CSMD1: variants seen among roughly 807,000 people sequenced by gnomAD.
CSMD1 encodes CUB and Sushi multiple domains 1, also known as CUB and sushi domain-containing protein 1.
A neutral mutation model predicts 417.5 loss-of-function variants in CSMD1; 213 were observed. The observed-to-expected ratio is 0.51, with a 90% confidence interval of 0.46 to 0.57. The LOEUF is 0.57. Among genes scored for constraint, CSMD1 ranks in the 20% least tolerant of loss-of-function variants. The pLI is 0.00. For synonymous variants in CSMD1, 2,862 were observed against 1,736.8 expected, an observed-to-expected ratio of 1.65 and a Z score of -16.11; for missense variants, 6,923 against 4,529.7, an observed-to-expected ratio of 1.53 and a Z score of -15.17.
chr8:3,255,775 C>T (rs955227223), intron 26 of CSMD1, among the ~76,000 whole-genome samples: 3 of 152,180 alleles, frequency 2.0e-5, no homozygotes, highest in Non-Finnish European at 4.4e-5. Context: ...TCAACACTTT[C>T]TTTGACTAGA....
chr8:3,777,427 C>G (rs1044603609), intron 5 of CSMD1, among the ~76,000 whole-genome samples: 9 of 152,138 alleles, frequency 5.9e-5, no homozygotes, highest in Admixed American at 3.3e-4. Flanking sequence ...GGCATCCTGT[C>G]AGGCCTCAGG....
intron 2 of CSMD1, among the ~76,000 whole-genome samples, chr8:4,427,524 AAC>A (rs1294666689): frequency 6.6e-6 from 1 of 151,684 alleles, no homozygotes; most frequent in African/African-American, 2.4e-5. Context: ...TGCACACTCA[AAC>A]ACACACAGTG....
intron 1 of CSMD1, among the ~76,000 whole-genome samples, chr8:4,980,010 C>T (rs891916077): frequency 3.3e-5 from 5 of 152,092 alleles, no homozygotes; most frequent in Admixed American, 2.6e-4. Context: ...GCACTCCAGC[C>T]TGGGCGACAG....
At chr8:3,428,157 C>T (rs1326076372) in intron 12 of CSMD1, among the ~76,000 whole-genome samples, 2 of 152,056 alleles carry the variant, frequency 1.3e-5, no homozygotes, top group Non-Finnish European at 2.9e-5. Flanking sequence ...TTTAGAAGTT[C>T]TAATTTCAAC....
chr8:3,978,109 G>A (rs963023535), intron 5 of CSMD1, among the ~76,000 whole-genome samples: 5 of 152,176 alleles, frequency 3.3e-5, no homozygotes, highest in African/African-American at 9.7e-5. Flanking sequence ...GTCTCATGGG[G>A]ATAACAAAAC....
intron 3 of CSMD1, among the ~76,000 whole-genome samples, chr8:4,290,509 C>G (rs190683578): frequency 6.6e-6 from 1 of 152,118 alleles, no homozygotes; most frequent in African/African-American, 2.4e-5. Context: ...AAAAAAAGGA[C>G]AGATGATGTT....
intron 7 of CSMD1, among the ~76,000 whole-genome samples, chr8:3,629,482 C>G (rs537629420): frequency 7.0e-4 from 107 of 152,246 alleles, no homozygotes; most frequent in Middle Eastern, 3.4e-3. Context: ...ATGGAATACA[C>G]AATACACCTA....
intron 52 of CSMD1, among the ~76,000 whole-genome samples, chr8:3,005,763 G>A (rs924378613): frequency 2.0e-5 from 3 of 152,112 alleles, no homozygotes. Context: ...GTATTGATGG[G>A]ATGTATCTCA....
rs192951610 is a variant in CSMD1 at position 4,847,479 on chromosome 8, C to T, written c.85+146853G>A. Among the ~76,000 whole-genome samples, 653 of 152,038 alleles carry T rather than the reference C, an allele frequency of 4.3e-3. 3 individuals carry two copies. The highest frequency in any genetic ancestry group is 0.014 in the African/African-American group (601 of 41,484). Reference sequence around the variant, plus strand: ...CAGAGAATTTCCATACACCTAATACCCGACTACCCCACTATTAACATGTTA... The same window carrying T: ...CAGAGAATTTCCATACACCTAATACTCGACTACCCCACTATTAACATGTTA... On this transcript the variant is annotated intron_variant, in intron 1 of 69. Transcript: ENST00000635120.
At chr8:4,341,534 G>A (rs948491991) in intron 3 of CSMD1, among the ~76,000 whole-genome samples, 1 of 152,034 alleles carries the variant, frequency 6.6e-6, no homozygotes, top group South Asian at 2.1e-4. Context: ...GCAAACCCAT[G>A]GAAACATTAT....
chr8:4,054,255 A>C (rs758658813), intron 3 of CSMD1, among the ~76,000 whole-genome samples: 1 of 148,552 alleles, frequency 6.7e-6, no homozygotes, highest in Non-Finnish European at 1.5e-5. Flanking sequence ...GACGACTTTG[A>C]GAGTTAAGAG....
At chr8:3,735,988 C>T (rs1165600010) in intron 6 of CSMD1, among the ~76,000 whole-genome samples, 2 of 151,686 alleles carry the variant, frequency 1.3e-5, no homozygotes, top group Non-Finnish European at 2.9e-5. Flanking sequence ...ACATGGTTTT[C>T]AGTGGGAATA....
intron 4 of CSMD1, among the ~76,000 whole-genome samples, chr8:4,027,324 G>A (rs552806217): frequency 5.0e-4 from 76 of 152,264 alleles, no homozygotes; most frequent in Middle Eastern, 6.8e-3. Context: ...ATGATGGTAT[G>A]CTTTGGCTGT....
At chr8:3,820,956 G>T (rs1801702398) in intron 5 of CSMD1, among the ~76,000 whole-genome samples, 1 of 151,908 alleles carries the variant, frequency 6.6e-6, no homozygotes, top group African/African-American at 2.4e-5. Flanking sequence ...TGCTTTTGCT[G>T]CCCAAGCTGG....
intron 2 of CSMD1, among the ~76,000 whole-genome samples, chr8:4,445,582 T>G (rs539172948): frequency 6.6e-6 from 1 of 152,298 alleles, no homozygotes; most frequent in Non-Finnish European, 1.5e-5. Context: ...AATAATACGC[T>G]GGTGTTTAAG....
At chr8:4,557,736 T>C (rs1481929754) in intron 2 of CSMD1, among the ~76,000 whole-genome samples, 3 of 151,834 alleles carry the variant, frequency 2.0e-5, no homozygotes, top group Admixed American at 1.3e-4. Context: ...CAGCAAAGGG[T>C]CAATTTCAAA....
At chr8:3,305,600 C>G (rs1212563659) in intron 25 of CSMD1, among the ~76,000 whole-genome samples, 3 of 152,186 alleles carry the variant, frequency 2.0e-5, no homozygotes, top group Non-Finnish European at 4.4e-5. Context: ...ACCATGTGGA[C>G]TCATCATCTG....
At chr8:4,812,158 G>T (rs554389822) in intron 1 of CSMD1, among the ~76,000 whole-genome samples, 13 of 152,262 alleles carry the variant, frequency 8.5e-5, no homozygotes, top group African/African-American at 2.9e-4. Context: ...AAGCTCACTG[G>T]CTGCTTCGTG....
At chr8:3,442,474 T>C (rs1472013040) in intron 12 of CSMD1, among the ~76,000 whole-genome samples, 1 of 152,242 alleles carries the variant, frequency 6.6e-6, no homozygotes, top group Non-Finnish European at 1.5e-5. Flanking sequence ...ACTGTACCTT[T>C]TGTATGTTTA....
Sources: allele counts gnomAD v4.1 joint callset (sites outside exome capture counted in the v4.1 genomes callset), GRCh38; gene constraint gnomAD v4.1.1; transcripts MANE v1.5; gene names NCBI Gene and HGNC (gene_info 2026-07-23, HGNC 2026-07-21).